LAMA2: variants seen among roughly 807,000 people sequenced by gnomAD.
LAMA2 encodes the protein laminin subunit alpha-2.
Under a neutral mutation model 364.8 loss-of-function variants are expected in LAMA2, and 269 were observed. The observed-to-expected ratio is 0.74, with a 90% CI of 0.67 to 0.82. The LOEUF (loss-of-function observed/expected upper bound fraction) is 0.82. Ranked by LOEUF, LAMA2 falls within the 40% of genes least tolerant of loss-of-function variation. The pLI, the probability that LAMA2 is intolerant of heterozygous loss-of-function variation, is 0.00. For missense variants in LAMA2, 3,807 were observed against 3,873.2 expected, an observed-to-expected ratio of 0.98 and a Z score of 0.45; for synonymous variants, 1,379 against 1,370.6, an observed-to-expected ratio of 1.01 and a Z score of -0.14.
rs1780109753 is a variant in LAMA2, at chr6:129,403,887, T to C, written c.5793T>C (p.Ile1931=). Residue 1931 remains isoleucine (I), a synonymous_variant, in exon 40 of 65, where the codon ATT becomes ATC. Coordinates refer to ENST00000421865, the MANE Select transcript of LAMA2 (RefSeq NM_000426.4). Reference sequence around the variant, plus strand: ...CAGCCTTCAAAGCTTACAGCAATATTAAGGACTATATTGATGAAGCTGAGA... The same window carrying C: ...CAGCCTTCAAAGCTTACAGCAATATCAAGGACTATATTGATGAAGCTGAGA... ...ATAAFKAYSN[I]KDYIDEAEKV... 4.3e-6 allele frequency: 7 copies of C among 1,613,232 alleles called. No homozygotes were observed. The highest frequency in any genetic ancestry group is 5.9e-6 in the Non-Finnish European group (7 of 1,179,286).
At chr6:129,334,033 A>G (rs1039706866) in intron 29 of LAMA2, among the ~76,000 whole-genome samples, 5 of 152,184 alleles carry the variant, frequency 3.3e-5, no homozygotes, top group African/African-American at 1.2e-4. Context: ...ATTTTCTTTC[A>G]TGGAACTCAC....
At chr6:128,961,318 G>GATAGATATATATATAT (rs1257743658) in intron 1 of LAMA2, among the ~76,000 whole-genome samples, 1 of 57,786 alleles carries the variant, frequency 1.7e-5, no homozygotes, top group Admixed American at 2.1e-4. Context: ...GAACTAATAT[G>GATAGATATATATATAT]ATATATATAT....
chr6:129,057,332 A>C (rs144599848), intron 2 of LAMA2, among the ~76,000 whole-genome samples: 22 of 152,292 alleles, frequency 1.4e-4, no homozygotes, highest in Non-Finnish European at 2.8e-4. Flanking sequence ...AGAAAATGAG[A>C]ACAACTTTCC....
At chr6:129,121,342 G>C (rs1385165610) in intron 4 of LAMA2, among the ~76,000 whole-genome samples, 1 of 152,292 alleles carries the variant, frequency 6.6e-6, no homozygotes, top group South Asian at 2.1e-4. Context: ...TCTTCTGCAA[G>C]TACACTTTCA....
chr6:129,368,078 T>C (rs908807635), intron 33 of LAMA2, among the ~76,000 whole-genome samples: 19 of 152,210 alleles, frequency 1.2e-4, no homozygotes, highest in African/African-American at 4.1e-4. Context: ...AATATCTGGA[T>C]ACTGAGGAAA....
At chr6:129,295,829 A>G (rs533305581) in intron 20 of LAMA2, among the ~76,000 whole-genome samples, 20 of 152,030 alleles carry the variant, frequency 1.3e-4, no homozygotes, top group African/African-American at 4.6e-4. Flanking sequence ...GTTTATACAT[A>G]TATCGGCATA....
At chr6:129,379,027 T>TA (rs1778531495) in intron 34 of LAMA2, among the ~76,000 whole-genome samples, 1 of 152,066 alleles carries the variant, frequency 6.6e-6, no homozygotes, top group Admixed American at 6.6e-5. Flanking sequence ...TATGCAGCCA[T>TA]AAAAAAGAAT....
chr6:129,158,704 G>A (rs1779274154), intron 8 of LAMA2: 1 of 1,614,032 alleles, frequency 6.2e-7, no homozygotes, highest in African/African-American at 1.3e-5. Context: ...ATGACAACAG[G>A]GGGCATGTGG....
chr6:129,124,066 T>G (rs762862829), intron 4 of LAMA2, among the ~76,000 whole-genome samples: 2 of 152,194 alleles, frequency 1.3e-5, no homozygotes, highest in Non-Finnish European at 2.9e-5. Flanking sequence ...CTCAACATGT[T>G]TTTTTTAAAG....
chr6:129,320,763 T>C (rs1192577504), intron 28 of LAMA2, 108 bp downstream of exon 28: 1 of 715,140 alleles, frequency 1.4e-6, no homozygotes, highest in Non-Finnish European at 2.6e-6. Context: ...CTATTTTATT[T>C]AATCTTCCAC....
chr6:129,367,926 C>T (rs919693187), intron 33 of LAMA2, among the ~76,000 whole-genome samples: 1 of 152,178 alleles, frequency 6.6e-6, no homozygotes, highest in African/African-American at 2.4e-5. Context: ...AACTGATTAG[C>T]TTATAAACAA....
At chr6:129,162,952 T>C (rs1779527339) in intron 8 of LAMA2, among the ~76,000 whole-genome samples, 1 of 152,156 alleles carries the variant, frequency 6.6e-6, no homozygotes, top group Admixed American at 6.6e-5. Flanking sequence ...TTTTACTATC[T>C]GGCCCTTTAC....
At chr6:129,267,541 T>C (rs767135767) in intron 16 of LAMA2, among the ~76,000 whole-genome samples, 5 of 152,082 alleles carry the variant, frequency 3.3e-5, no homozygotes, top group Non-Finnish European at 7.4e-5. Flanking sequence ...CTATGAAAAG[T>C]ACAGTGTACT....
intron 28 of LAMA2, among the ~76,000 whole-genome samples, chr6:129,327,801 TCTTA>T (rs775485237): frequency 1.3e-5 from 2 of 152,188 alleles, no homozygotes; most frequent in African/African-American, 2.4e-5. Context: ...ATTTTGGATT[TCTTA>T]CTTTTATAGT....
intron 38 of LAMA2, 133 bp downstream of exon 38, chr6:129,401,473 G>C: frequency 1.4e-6 from 1 of 711,092 alleles, no homozygotes; most frequent in Admixed American, 2.0e-5. Flanking sequence ...TTATTCTACT[G>C]TGACCATGCC....
intron 1 of LAMA2, among the ~76,000 whole-genome samples, chr6:128,937,489 A>G (rs1030706609): frequency 1.3e-5 from 2 of 151,862 alleles, no homozygotes; most frequent in African/African-American, 4.8e-5. Flanking sequence ...TCATTACCCA[A>G]ATTTGTTCAG....
chr6:129,039,925 C>T (rs1040829583), intron 1 of LAMA2, among the ~76,000 whole-genome samples: 1 of 152,144 alleles, frequency 6.6e-6, no homozygotes, highest in Non-Finnish European at 1.5e-5. Flanking sequence ...TGGTCTGCAG[C>T]CCTGGGGTTG....
intron 3 of LAMA2, among the ~76,000 whole-genome samples, chr6:129,097,932 T>G (rs1004351434): frequency 1.2e-4 from 19 of 152,308 alleles, no homozygotes; most frequent in African/African-American, 4.1e-4. Flanking sequence ...CAATGAGTTG[T>G]TACTAAAATC....
intron 1 of LAMA2, among the ~76,000 whole-genome samples, chr6:128,903,975 G>A (rs1169178373): frequency 6.6e-6 from 1 of 152,182 alleles, no homozygotes; most frequent in Non-Finnish European, 1.5e-5. Flanking sequence ...GGGCTCAAAG[G>A]AGCCCTTAGA....
Sources: allele counts gnomAD v4.1 joint callset (sites outside exome capture counted in the v4.1 genomes callset), GRCh38; gene constraint gnomAD v4.1.1; transcripts MANE v1.5; gene names NCBI Gene and HGNC (gene_info 2026-07-23, HGNC 2026-07-21).